NLRP2: variants seen among roughly 807,000 people sequenced by gnomAD.
NLRP2 encodes the protein NLR family pyrin domain containing 2, also known as NACHT, LRR and PYD domains-containing protein 2.
In NLRP2, 107 loss-of-function variants were observed where a neutral mutation model predicts 97.2. The observed-to-expected ratio is 1.10, with a 90% CI of 0.94 to 1.29. The LOEUF is 1.29. Among genes scored for constraint, NLRP2 ranks in the 50% most tolerant of loss-of-function variants. The probability of loss-of-function intolerance (pLI) is 0.00; values close to 1 mark genes in which losing one functional copy is unlikely to be tolerated. For synonymous variants in NLRP2, 663 were observed against 551.5 expected, an observed-to-expected ratio of 1.20 and a Z score of -2.83; for missense variants, 1,495 against 1,330.3, an observed-to-expected ratio of 1.12 and a Z score of -1.93.
chr19:54,968,028 C>T (rs1052011781), intron 1 of NLRP2, among the ~76,000 whole-genome samples: 3 of 150,650 alleles, frequency 2.0e-5, no homozygotes, highest in Non-Finnish European at 4.4e-5. Context: ...AAGCAATTCT[C>T]GTGCCTCAGC....
chr19:54,979,570 T>G (rs919034977), intron 4 of NLRP2, among the ~76,000 whole-genome samples: 3 of 147,960 alleles, frequency 2.0e-5, no homozygotes, highest in Non-Finnish European at 4.5e-5. Context: ...AGGCTGGTCT[T>G]GAACTCCTGA....
At chr19:54,975,143 T>TTTTG (rs1279332053) in intron 3 of NLRP2, among the ~76,000 whole-genome samples, 2 of 86,736 alleles carry the variant, frequency 2.3e-5, no homozygotes, top group Admixed American at 1.3e-4. Flanking sequence ...TTTTTTTTTT[T>TTTTG]GAAACAGGGC....
rs1568534692 is a variant in NLRP2, at chr19:54,994,298, G to T, written c.2738G>T (p.Gly913Val). The change falls in exon 11 of 13, where the codon GGC becomes GTC. Residue 913 changes from glycine to valine, a missense_variant. Coordinates refer to ENST00000448584, the MANE Select transcript of NLRP2 (RefSeq NM_017852.5). ...VLWNCDITSD[G>V]CCDLTKLLQE... ...TGGAACTGCGACATAACTAGCGATG[G>T]CTGCTGCGATCTCACAAAGCTTCTC... 6.2e-7 allele frequency: 1 copy of T among 1,614,038 alleles called. No homozygotes were observed. The highest frequency in any genetic ancestry group is 8.5e-7 in the Non-Finnish European group (1 of 1,180,044).
At chr19:54,992,747 C>T (rs767789391) in intron 10 of NLRP2, among the ~76,000 whole-genome samples, 24 of 151,404 alleles carry the variant, frequency 1.6e-4, no homozygotes, top group East Asian at 9.8e-4. Flanking sequence ...TTAGTAGAGA[C>T]GAGTTTTCAC....
rs553660124 is a variant in NLRP2, at chr19:54,990,838, TAAG to T, written c.2708+167_2708+169del. The T allele has an allele frequency of 5.6e-4, 399 of 715,852 alleles. No homozygotes were observed. The African/African-American group carries it at 6.2e-3, about 11-fold the overall frequency. 44.3% of individuals were successfully genotyped at this position (715,852 alleles called of 1,614,324 possible). A position where few individuals can be genotyped will look rare whatever the true frequency, so the allele number is the denominator to read the frequency against. On this transcript the variant is annotated intron_variant, in intron 10 of 12. Coordinates refer to ENST00000448584, the MANE Select transcript of NLRP2 (RefSeq NM_017852.5). Reference sequence around the variant, plus strand: ...GGTAGATGATGGTAGGAAAAAAGTATAAGTAGTAGTAGAGTAGTAGTAATATTC... The same window carrying T: ...GGTAGATGATGGTAGGAAAAAAGTATTAGTAGTAGAGTAGTAGTAATATTC...
intron 1 of NLRP2, among the ~76,000 whole-genome samples, chr19:54,968,701 C>CTTTTTTTTT (rs61212213): frequency 7.0e-5 from 8 of 114,284 alleles, no homozygotes; most frequent in Admixed American, 1.8e-4. Context: ...ATCTTTAAGC[C>CTTTTTTTTT]TTTTTTTTTT....
chr19:54,991,557 A>T (rs2146513081), intron 10 of NLRP2: 1 of 151,328 alleles, frequency 6.6e-6, no homozygotes, highest in East Asian at 2.0e-4. Flanking sequence ...TCTCAAAAAA[A>T]AAAAATTATA....
intron 11 of NLRP2, among the ~76,000 whole-genome samples, chr19:54,996,202 G>T (rs938767455): frequency 6.6e-6 from 1 of 151,858 alleles, no homozygotes; most frequent in Non-Finnish European, 1.5e-5. Flanking sequence ...GTGAGACCGT[G>T]TTTCAAAAAA....
chr19:54,984,329 G>GTGTTTTTTT lies in NLRP2; in HGVS notation c.2030+602_2030+603insGTTTTTTTT. Among the ~76,000 whole-genome samples, 15 of 79,674 alleles carry GTGTTTTTTT rather than the reference G, an allele frequency of 1.9e-4. 1 individual carries two copies. The highest frequency in any genetic ancestry group is 6.9e-4 in the African/African-American group (15 of 21,640). 52.3% of individuals were successfully genotyped at this position (79,674 alleles called of 152,430 possible). On this transcript the variant is annotated intron_variant, in intron 6 of 12. Transcript: ENST00000448584. ...AACTTAAGTGGGGGTTTTTTTTTGTGTTTTTTTTTTTTTTTTTTTTTTTGG... is the reference window on the plus strand; with the variant it reads ...AACTTAAGTGGGGGTTTTTTTTTGTGTGTTTTTTTTTTTTTTTTTTTTTTTTTTTTTTGG...
chr19:54,966,946 G>T (rs996580896), intron 1 of NLRP2, among the ~76,000 whole-genome samples: 4 of 148,036 alleles, frequency 2.7e-5, no homozygotes, highest in African/African-American at 1.0e-4. Context: ...GGTTCAAGCA[G>T]TCCTCACGCC....
rs1028970170 is a variant in NLRP2, at chr19:54,966,967, A to C, written c.-18+500A>C. Among the ~76,000 whole-genome samples the C allele has an allele frequency of 2.7e-5, 4 of 150,156 alleles. No homozygotes were observed. The East Asian group carries it at 7.9e-4, about 30-fold the overall frequency. ...AGCAGTCCTCACGCCTCAGCCTTTG[A>C]AGTAGCTGGGACCGTGGGAGGGTGC... On this transcript the variant is annotated intron_variant, in intron 1 of 12. Transcript: ENST00000448584.
intron 7 of NLRP2, among the ~76,000 whole-genome samples, chr19:54,985,630 A>G (rs1432100693): frequency 2.8e-5 from 4 of 143,518 alleles, no homozygotes; most frequent in Non-Finnish European, 3.0e-5. Flanking sequence ...GTGAACCAAG[A>G]TCCTGCCACT....
rs547087324 is a variant in NLRP2 at position 54,984,117 on chromosome 19, TG to T, written c.2030+392del. 2.2e-3 allele frequency among the ~76,000 whole-genome samples: 337 copies of T among 151,874 alleles called. 2 individuals are homozygous for T. Among genetic ancestry groups the T allele is most frequent in the African/African-American group, 8.0e-3 (332 of 41,438 alleles). On this transcript the variant is annotated intron_variant, in intron 6 of 12. Coordinates refer to ENST00000448584, the MANE Select transcript of NLRP2 (RefSeq NM_017852.5). ...GATCCACCTGCCTCAGCCTCCAAAG[TG>T]GGATTACAGGCATGATTCACCATGC...
chr19:55,000,728 A>G (rs951752649), intron 12 of NLRP2, 32 bp from the exon 13 acceptor site: 2 of 1,611,944 alleles, frequency 1.2e-6, no homozygotes, highest in South Asian at 1.1e-5. Context: ...TTGATGCACA[A>G]AGTAACCTTT....
chr19:54,981,023 A>G (rs1406860344), intron 4 of NLRP2, among the ~76,000 whole-genome samples: 4 of 152,154 alleles, frequency 2.6e-5, no homozygotes, highest in Non-Finnish European at 5.9e-5. Flanking sequence ...AGGCAGGAGA[A>G]TCGCTTGAAC....
chr19:54,984,908 A>G, intron 6 of NLRP2, 139 bp from the exon 7 acceptor site: 1 of 803,670 alleles, frequency 1.2e-6, no homozygotes, highest in Non-Finnish European at 2.2e-6. Flanking sequence ...GAGTTGTCTG[A>G]TGGTGGTGCT....
intron 12 of NLRP2, among the ~76,000 whole-genome samples, chr19:54,998,344 C>A (rs2072956972): frequency 6.6e-6 from 1 of 151,936 alleles, no homozygotes; most frequent in Admixed American, 6.6e-5. Flanking sequence ...ACCATGGCAT[C>A]AAAGAACCAA....
At chr19:54,981,509 G>GTCCCCC in intron 4 of NLRP2, 108 bp from the exon 5 acceptor site, 3 of 386,504 alleles carry the variant, frequency 7.8e-6, no homozygotes, top group South Asian at 2.1e-5. Context: ...CTGATCCCGT[G>GTCCCCC]CCCCCCCTCC....
Position 54,977,809 on chromosome 19 carries a change from A to G in NLRP2, c.383A>G (p.Lys128Arg). Residue 128 changes from lysine to arginine, a missense_variant, in exon 4 of 13, where the codon AAA becomes AGA. Lys to Arg is a conservative substitution (Grantham distance 26). Transcript: ENST00000448584. ...LDVDEMLERF[K>R]TEAQAFTETK... ...GTGGACGAAATGCTGGAGCGCTTCA[A>G]AACAGAAGCACAAGGTGGGTGTCAG... 1 of 1,613,736 alleles carries G rather than the reference A, an allele frequency of 6.2e-7. No homozygotes were observed. The highest frequency in any genetic ancestry group is 1.1e-5 in the South Asian group (1 of 91,072).
Sources: gnomAD v4.1 joint callset for allele counts (sites outside exome capture counted in the v4.1 genomes callset) on GRCh38, gnomAD v4.1.1 for gene constraint, MANE v1.5 for transcripts, NCBI Gene and HGNC (gene_info 2026-07-23, HGNC 2026-07-21) for gene names.